SEZ6L: variants seen among roughly 807,000 people sequenced by gnomAD.
SEZ6L encodes the protein seizure 6-like protein.
In SEZ6L, 37 loss-of-function variants were observed where a neutral mutation model predicts 106.2. The ratio of observed to expected loss-of-function variants is 0.35; its 90% CI spans 0.27 to 0.46. The LOEUF (loss-of-function observed/expected upper bound fraction) is 0.46. Among genes scored for constraint, SEZ6L ranks in the 20% least tolerant of loss-of-function variants. SEZ6L has a pLI of 1.00. For synonymous variants in SEZ6L, 541 were observed against 570.4 expected, an observed-to-expected ratio of 0.95 and a Z score of 0.73; for missense variants, 1,172 against 1,332.8, an observed-to-expected ratio of 0.88 and a Z score of 1.88.
rs1361947067 is a variant in SEZ6L at position 26,304,372 on chromosome 22, GA to G, written c.1349-1604del. 9.6e-3 allele frequency among the ~76,000 whole-genome samples: 352 copies of G among 36,648 alleles called. 14 individuals are homozygous for G. Among genetic ancestry groups the G allele is most frequent in the African/African-American group, 0.04 (339 of 8,520 alleles). The allele number at this position is 36,648 out of a possible 152,430, so 24.0% of individuals were successfully genotyped here. A position where few individuals can be genotyped will look rare whatever the true frequency, so the allele number is the denominator to read the frequency against. Reference sequence around the variant, plus strand: ...GTCTCAAAAAAAAAAAAAGAAAGAAGAAAGAAAGAAAGAAAGAAAGAAAGAA... The same window carrying G: ...GTCTCAAAAAAAAAAAAAGAAAGAAGAAGAAAGAAAGAAAGAAAGAAAGAA... On this transcript the variant is annotated intron_variant, in intron 5 of 16. Coordinates refer to ENST00000248933, the MANE Select transcript of SEZ6L (RefSeq NM_021115.5).
At position 26,340,481 on chromosome 22, in the gene SEZ6L, C is replaced by T. The variant is rs371326790; in HGVS notation, c.2061C>T (p.Asp687=). ...NSDILTIYDG[D]EVMPHILGQY... ...ACATCTTGACCATCTACGATGGCGACGAGGTCATGCCCCACATCTTGGGGC... is the reference window on the plus strand; with the variant it reads ...ACATCTTGACCATCTACGATGGCGATGAGGTCATGCCCCACATCTTGGGGC... Residue 687 remains aspartate, a synonymous_variant, in exon 10 of 17, where the codon GAC becomes GAT. Transcript: ENST00000248933. 24 of 1,613,948 alleles carry T rather than the reference C, an allele frequency of 1.5e-5. No individual in the cohort carries two copies. In the African/African-American group the frequency reaches 2.0e-4, roughly 13 times the overall value.
At chr22:26,205,590 CTAT>C (rs753733751) in intron 1 of SEZ6L, among the ~76,000 whole-genome samples, 2 of 151,962 alleles carry the variant, frequency 1.3e-5, no homozygotes, top group Non-Finnish European at 2.9e-5. Context: ...CCCAGGGCAA[CTAT>C]TAAAAATGTG....
At chr22:26,363,478 T>C (rs890739400) in intron 12 of SEZ6L, among the ~76,000 whole-genome samples, 1 of 152,220 alleles carries the variant, frequency 6.6e-6, no homozygotes, top group Non-Finnish European at 1.5e-5. Flanking sequence ...CCAGGCATTG[T>C]ACTGGGTATG....
intron 12 of SEZ6L, among the ~76,000 whole-genome samples, chr22:26,364,188 T>A (rs1420712540): frequency 6.6e-6 from 1 of 152,164 alleles, no homozygotes; most frequent in African/African-American, 2.4e-5. Flanking sequence ...TAATAAAGTT[T>A]AGAATGTTTT....
chr22:26,248,628 C>T (rs1257317849), intron 1 of SEZ6L, among the ~76,000 whole-genome samples: 6 of 152,234 alleles, frequency 3.9e-5, no homozygotes, highest in Non-Finnish European at 8.8e-5. Flanking sequence ...AGGATTTGGA[C>T]ATACAATTCT....
intron 1 of SEZ6L, among the ~76,000 whole-genome samples, chr22:26,250,186 C>G (rs2079523778): frequency 1.3e-5 from 2 of 151,978 alleles, no homozygotes; most frequent in Admixed American, 1.3e-4. Context: ...TTCCATTTGT[C>G]TATTTTTGCT....
chr22:26,322,245 G>A (rs569056389), intron 9 of SEZ6L, among the ~76,000 whole-genome samples: 77 of 152,276 alleles, frequency 5.1e-4, no homozygotes, highest in South Asian at 2.9e-3. Flanking sequence ...TATGGGTTGG[G>A]TATGACAGCA....
At chr22:26,341,930 T>C (rs1213843789) in intron 10 of SEZ6L, among the ~76,000 whole-genome samples, 2 of 152,152 alleles carry the variant, frequency 1.3e-5, no homozygotes. Context: ...CTGATTCCAG[T>C]CCCAGAAGAG....
chr22:26,205,501 T>A (rs1018119507), intron 1 of SEZ6L, among the ~76,000 whole-genome samples: 1 of 152,236 alleles, frequency 6.6e-6, no homozygotes, highest in African/African-American at 2.4e-5. Context: ...GCTTTCTAAC[T>A]ACACCATGCC....
chr22:26,310,195 GA>G (rs1434982798), intron 6 of SEZ6L, among the ~76,000 whole-genome samples: 2 of 152,356 alleles, frequency 1.3e-5, no homozygotes, highest in Admixed American at 1.3e-4. Context: ...CCATTGTACA[GA>G]AGAGGAAACA....
chr22:26,344,404 T>C (rs962354358), intron 10 of SEZ6L, among the ~76,000 whole-genome samples: 6 of 152,198 alleles, frequency 3.9e-5, no homozygotes, highest in Non-Finnish European at 8.8e-5. Context: ...TGTCGTGTGT[T>C]TATTCCTCCA....
intron 15 of SEZ6L, among the ~76,000 whole-genome samples, chr22:26,376,516 T>C (rs5997083): frequency 0.5 from 76,190 of 151,264 alleles, 20,172 homozygotes; most frequent in East Asian, 0.94. Flanking sequence ...CCAACGCAGG[T>C]GAATCACTTG....
At chr22:26,325,533 G>GA (rs2082280409) in intron 9 of SEZ6L, among the ~76,000 whole-genome samples, 1 of 152,066 alleles carries the variant, frequency 6.6e-6, no homozygotes, top group African/African-American at 2.4e-5. Context: ...AGAAGACTCA[G>GA]AAAATGTTTC....
chr22:26,230,861 G>A (rs1422626149), intron 1 of SEZ6L, among the ~76,000 whole-genome samples: 1 of 152,230 alleles, frequency 6.6e-6, no homozygotes, highest in Non-Finnish European at 1.5e-5. Context: ...CAGAGCAGCT[G>A]AAGTATAGTG....
At chr22:26,365,880 A>C (rs552594396) in intron 13 of SEZ6L, among the ~76,000 whole-genome samples, 24 of 151,944 alleles carry the variant, frequency 1.6e-4, no homozygotes, top group African/African-American at 5.8e-4. Context: ...CAAAAAAATT[A>C]AATTAAATTT....
At chr22:26,173,008 T>C (rs1938729396) in intron 1 of SEZ6L, among the ~76,000 whole-genome samples, 1 of 152,136 alleles carries the variant, frequency 6.6e-6, no homozygotes, top group South Asian at 2.1e-4. Flanking sequence ...GCTCCATAAT[T>C]AGAGTGACCT....
chr22:26,359,863 T>C (rs552549130), intron 12 of SEZ6L, among the ~76,000 whole-genome samples: 103 of 152,274 alleles, frequency 6.8e-4, no homozygotes, highest in African/African-American at 2.4e-3. Flanking sequence ...AGGGTTGTTG[T>C]GATAACTAAA....
At chr22:26,292,330 C>T in intron 1 of SEZ6L, 76 bp from the exon 2 acceptor site, 5 of 1,233,974 alleles carry the variant, frequency 4.1e-6, no homozygotes, top group Non-Finnish European at 5.7e-6. Context: ...CTTAGGAGGG[C>T]CACCCTCAGA....
intron 11 of SEZ6L, among the ~76,000 whole-genome samples, chr22:26,348,680 AAGAAAGAAAGAAAG>A: frequency 1.4e-5 from 1 of 72,670 alleles, no homozygotes; most frequent in African/African-American, 5.5e-5. Flanking sequence ...GAAAGAAAGA[AAGAAAGAAAGAAAG>A]AAAGAAAGAA....
Sources: gnomAD v4.1 joint callset for allele counts (sites outside exome capture counted in the v4.1 genomes callset) on GRCh38, gnomAD v4.1.1 for gene constraint, MANE v1.5 for transcripts, NCBI Gene and HGNC (gene_info 2026-07-23, HGNC 2026-07-21) for gene names.